Variants in C22orf23 observed in about 807,000 individuals in gnomAD.
C22orf23 encodes the protein UPF0193 protein EVG1.
C22orf23 carries 30 observed loss-of-function variants against 29.7 expected under a neutral mutation model. That is an observed-to-expected ratio of 1.01 (90% CI 0.76 to 1.37). The LOEUF is 1.37. Among genes scored for constraint, C22orf23 ranks in the 40% most tolerant of loss-of-function variants. The pLI is 0.00. For synonymous variants in C22orf23, 90 were observed against 96.1 expected, an observed-to-expected ratio of 0.94 and a Z score of 0.37; for missense variants, 237 against 273.1, an observed-to-expected ratio of 0.87 and a Z score of 0.93.
intron 2 of C22orf23, 131 bp from the exon 3 acceptor site, chr22:37,951,653 C>G (rs1931017486): frequency 4.7e-6 from 3 of 643,746 alleles, no homozygotes; most frequent in Non-Finnish European, 5.2e-6. Flanking sequence ...ATCTTTCCTG[C>G]TTCGTTTTTT....
intron 4 of C22orf23, among the ~76,000 whole-genome samples, chr22:37,945,734 C>T (rs1455452927): frequency 5.5e-5 from 8 of 145,230 alleles, no homozygotes; most frequent in Admixed American, 2.1e-4. Flanking sequence ...TGAGCTCAAA[C>T]GATCTGCCAG....
intron 2 of C22orf23, 162 bp downstream of exon 2, chr22:37,952,885 G>A (rs904134451): frequency 4.9e-6 from 3 of 615,262 alleles, no homozygotes; most frequent in Non-Finnish European, 8.7e-6. Flanking sequence ...AGGGATCTAG[G>A]TTGCACGCTC....
intron 3 of C22orf23, 105 bp from the exon 4 acceptor site, chr22:37,947,568 C>T (rs558643506): frequency 5.7e-5 from 56 of 979,772 alleles, no homozygotes; most frequent in East Asian, 5.0e-4. Flanking sequence ...TGGAGTGCAG[C>T]GGCGCGATCT....
chr22:37,952,337 A>T (rs1931099954), intron 2 of C22orf23, among the ~76,000 whole-genome samples: 1 of 152,132 alleles, frequency 6.6e-6, no homozygotes, highest in Non-Finnish European at 1.5e-5. Flanking sequence ...CAAATAACTG[A>T]CTACAGCTTG....
intron 3 of C22orf23, among the ~76,000 whole-genome samples, chr22:37,948,084 G>A (rs1159649196): frequency 4.6e-5 from 7 of 151,930 alleles, no homozygotes; most frequent in Non-Finnish European, 1.0e-4. Context: ...TCCAGCCTGG[G>A]CGACAGAGCG....
Position 37,947,473 on chromosome 22 carries a change from G to C in C22orf23, c.167-10C>G. ...GGCAAAGCATCTCCTCCTGGGGAACGAAGAGTTGGGGTGGGAGGACCCACA... is the reference window on the plus strand; with the variant it reads ...GGCAAAGCATCTCCTCCTGGGGAACCAAGAGTTGGGGTGGGAGGACCCACA... On this transcript the variant is annotated splice_polypyrimidine_tract_variant and intron_variant, in intron 3 of 6. Coordinates refer to ENST00000403305, the MANE Select transcript of C22orf23 (RefSeq NM_032561.5). 2 of 1,399,436 alleles carry C rather than the reference G, an allele frequency of 1.4e-6. No homozygotes were observed. Among genetic ancestry groups the C allele is most frequent in the South Asian group, 2.6e-5 (2 of 76,668 alleles). 86.7% of individuals were successfully genotyped at this position (1,399,436 alleles called of 1,614,324 possible). A position where few individuals can be genotyped will look rare whatever the true frequency, so the allele number is the denominator to read the frequency against.
chr22:37,950,648 T>C (rs1328236405), intron 3 of C22orf23, among the ~76,000 whole-genome samples: 1 of 151,794 alleles, frequency 6.6e-6, no homozygotes, highest in Non-Finnish European at 1.5e-5. Flanking sequence ...GGCTCATGCC[T>C]GGAATCCCAG....
Position 37,953,047 on chromosome 22 carries a change from C to T in C22orf23, c.103G>A (p.Val35Met), listed in dbSNP as rs2145719685. The change falls in exon 2 of 7, where the codon GTG becomes ATG. Residue 35 changes from valine (V) to methionine (M), a missense_variant and splice_region_variant. Val to Met is a conservative substitution (Grantham distance 21). Transcript: ENST00000403305. ...YTPGTCELLR[V>M]MMKESKLTNI... ...GGGATCGCTGCTTTAACGGACTGACCTCTGAGCAGCTCGCAGGTCCCCGGG... is the reference window on the plus strand; with the variant it reads ...GGGATCGCTGCTTTAACGGACTGACTTCTGAGCAGCTCGCAGGTCCCCGGG... 1.2e-6 allele frequency: 2 copies of T among 1,612,876 alleles called. No individual in the cohort carries two copies. Among genetic ancestry groups the T allele is most frequent in the Non-Finnish European group, 1.7e-6 (2 of 1,179,182 alleles).
chr22:37,949,382 C>T (rs1201137645), intron 3 of C22orf23, among the ~76,000 whole-genome samples: 1 of 149,038 alleles, frequency 6.7e-6, no homozygotes, highest in African/African-American at 2.5e-5. Context: ...CTCCTGGGTA[C>T]AAGCGATTCT....
At position 37,953,445 on chromosome 22, in the gene C22orf23, C is replaced by T. The variant is rs994054404; in HGVS notation, c.-10+3G>A. 1 of 535,840 alleles carries T rather than the reference C, an allele frequency of 1.9e-6. No individual in the cohort carries two copies. Among genetic ancestry groups the T allele is most frequent in the South Asian group, 2.5e-5 (1 of 39,768 alleles). 33.2% of individuals were successfully genotyped at this position (535,840 alleles called of 1,614,324 possible). ...GAGTGATATGCCAAAATTGAAATTTCACCCTAAGACCCTCTCTGGGTGCTC... is the reference window on the plus strand; with the variant it reads ...GAGTGATATGCCAAAATTGAAATTTTACCCTAAGACCCTCTCTGGGTGCTC... On this transcript the variant is annotated splice_donor_region_variant and intron_variant, in intron 1 of 6. Transcript: ENST00000403305.
intron 5 of C22orf23, 198 bp from the exon 6 acceptor site, chr22:37,944,715 A>G (rs1210358841): frequency 5.2e-6 from 3 of 574,240 alleles, no homozygotes; most frequent in South Asian, 4.3e-5. Context: ...CCTGACCAAC[A>G]TGGTGAAACC....
chr22:37,953,133 T>A lies in C22orf23; in HGVS notation c.17A>T (p.Gln6Leu). ...AGTTCCTTTGGTCACTACCTCCATCTGCTTCTGTGAAGCCATGGGAGGACT... is the reference window on the plus strand; with the variant it reads ...AGTTCCTTTGGTCACTACCTCCATCAGCTTCTGTGAAGCCATGGGAGGACT... MASQK[Q>L]MEVVTKGTGF... is the part of the protein sequence containing the mutation. The change falls in exon 2 of 7, where the codon CAG (glutamine) becomes CTG (leucine). Residue 6 changes from glutamine (Q) to leucine (L), a missense_variant. Gln to Leu is a moderately radical substitution (Grantham distance 113). Coordinates refer to ENST00000403305, the MANE Select transcript of C22orf23 (RefSeq NM_032561.5). 6.2e-7 allele frequency: 1 copy of A among 1,613,820 alleles called. No individual in the cohort carries two copies.
chr22:37,952,172 ATGT>A (rs1017033901), intron 2 of C22orf23, among the ~76,000 whole-genome samples: 23 of 152,138 alleles, frequency 1.5e-4, no homozygotes, highest in Admixed American at 1.1e-3. Context: ...AGACTTAAAA[ATGT>A]TGTTGTTGGA....
chr22:37,943,291 A>G lies in C22orf23; in HGVS notation c.*884T>C, dbSNP rs41274544. ...CCCAGCAGGGCCTCGCAGATGCACA[A>G]GCACGGAGCTGGTGGGTTTTGCCCA... On this transcript the variant is annotated 3_prime_UTR_variant, in exon 7 of 7. Coordinates refer to ENST00000403305, the MANE Select transcript of C22orf23 (RefSeq NM_032561.5). 0.026 allele frequency: 4,036 copies of G among 152,330 alleles called. 76 individuals carry two copies. Among genetic ancestry groups the G allele is most frequent in the Non-Finnish European group, 0.037 (2,542 of 68,094 alleles). 9.4% of individuals were successfully genotyped at this position (152,330 alleles called of 1,614,324 possible).
Position 37,943,217 on chromosome 22 carries a change from G to A in C22orf23, c.*958C>T, listed in dbSNP as rs1233931083. On this transcript the variant is annotated 3_prime_UTR_variant, in exon 7 of 7. Coordinates refer to ENST00000403305, the MANE Select transcript of C22orf23 (RefSeq NM_032561.5). ...ATCGTGGGTGTCAGGAGCCAGAGGG[G>A]AGGGGGACAGATGTGCTGTGTACAG... The A allele has an allele frequency of 6.6e-6, 1 of 152,152 alleles. No homozygotes were observed. Among genetic ancestry groups the A allele is most frequent in the Admixed American group, 6.6e-5 (1 of 15,248 alleles). The allele number at this position is 152,152 out of a possible 1,614,324, so 9.4% of individuals were successfully genotyped here.
At chr22:37,948,264 A>G (rs1930820504) in intron 3 of C22orf23, among the ~76,000 whole-genome samples, 1 of 152,106 alleles carries the variant, frequency 6.6e-6, no homozygotes, top group African/African-American at 2.4e-5. Context: ...CCTGGCCAAC[A>G]TGGTGAAACC....
At chr22:37,944,294 A>T (rs1198926576) in intron 6 of C22orf23, 48 bp from the exon 7 acceptor site, 1 of 1,613,874 alleles carries the variant, frequency 6.2e-7, no homozygotes, top group Non-Finnish European at 8.5e-7. Context: ...TAGGAACCTG[A>T]GGAGCTGTCA....
At chr22:37,953,262 G>T in intron 1 of C22orf23, 104 bp from the exon 2 acceptor site, 1 of 743,720 alleles carries the variant, frequency 1.3e-6, no homozygotes. Context: ...GATCGAGCCA[G>T]AGAATGATGC....
At chr22:37,951,349 G>A (rs745324232) in intron 3 of C22orf23, 111 bp downstream of exon 3, 141 of 966,990 alleles carry the variant, frequency 1.5e-4, no homozygotes, top group Non-Finnish European at 2.1e-4. Context: ...CCACGTGCCC[G>A]GCTGTCTTTG....
Sources: allele counts gnomAD v4.1 joint callset (sites outside exome capture counted in the v4.1 genomes callset), GRCh38; gene constraint gnomAD v4.1.1; transcripts MANE v1.5; gene names NCBI Gene and HGNC (gene_info 2026-07-23, HGNC 2026-07-21).